Variants in FTO observed in about 807,000 individuals in gnomAD.
FTO encodes the protein alpha-ketoglutarate-dependent dioxygenase FTO.
A neutral mutation model predicts 63.9 loss-of-function variants in FTO; 47 were observed. The ratio of observed to expected loss-of-function variants is 0.74; its 90% CI spans 0.58 to 0.94. The LOEUF (loss-of-function observed/expected upper bound fraction) is 0.94. FTO is among the 40% of genes least tolerant of loss of function. The pLI, the probability that FTO is intolerant of heterozygous loss-of-function variation, is 0.00. For missense variants in FTO, 562 were observed against 618.1 expected (o/e 0.91, Z 0.96); for synonymous variants, 207 against 224.4 (o/e 0.92, Z 0.69).
chr16:53,806,777 A>G (rs1387840542), intron 1 of FTO, among the ~76,000 whole-genome samples: 2 of 152,220 alleles, frequency 1.3e-5, no homozygotes, highest in African/African-American at 4.8e-5. Flanking sequence ...CCTCATGCAT[A>G]TATTCTTCTG....
Position 54,112,344 on chromosome 16 carries a change from A to G in FTO, c.*429A>G, listed in dbSNP as rs1187092592. Reference sequence around the variant, plus strand: ...CTCACCACACCCATAGTGCTGTCCAATATGGTAGCCACTAGCTAGCTGTGG... The same window carrying G: ...CTCACCACACCCATAGTGCTGTCCAGTATGGTAGCCACTAGCTAGCTGTGG... On this transcript the variant is annotated 3_prime_UTR_variant, in exon 9 of 9. Coordinates refer to ENST00000471389, the MANE Select transcript of FTO (RefSeq NM_001080432.3). 1.9e-5 allele frequency: 4 copies of G among 212,908 alleles called. No homozygotes were observed. The highest frequency in any genetic ancestry group is 2.9e-5 in the Non-Finnish European group (3 of 105,032). 13.2% of individuals were successfully genotyped at this position (212,908 alleles called of 1,614,324 possible). A position where few individuals can be genotyped will look rare whatever the true frequency, so the allele number is the denominator to read the frequency against.
chr16:53,980,040 A>G (rs1415813339), intron 8 of FTO, among the ~76,000 whole-genome samples: 1 of 152,220 alleles, frequency 6.6e-6, no homozygotes, highest in African/African-American at 2.4e-5. Context: ...TCTTGCCATG[A>G]AGCGAACCAG....
intron 1 of FTO, among the ~76,000 whole-genome samples, chr16:53,758,438 A>C (rs1244644560): frequency 6.6e-6 from 1 of 152,232 alleles, no homozygotes; most frequent in Non-Finnish European, 1.5e-5. Flanking sequence ...CATTGTAACC[A>C]GGGAAGGATA....
chr16:53,749,525 G>A (rs2076732009), intron 1 of FTO, among the ~76,000 whole-genome samples: 3 of 150,790 alleles, frequency 2.0e-5, no homozygotes, highest in South Asian at 4.2e-4. Flanking sequence ...TGCAAGCTCC[G>A]CCTCCCGGGT....
chr16:53,786,464 A>G (rs759031579), intron 1 of FTO, among the ~76,000 whole-genome samples: 6 of 152,190 alleles, frequency 3.9e-5, no homozygotes, highest in Non-Finnish European at 7.3e-5. Context: ...AAAAATTCAA[A>G]ACTGGCTCTT....
chr16:53,751,186 T>C (rs1023413162), intron 1 of FTO, among the ~76,000 whole-genome samples: 2 of 150,710 alleles, frequency 1.3e-5, no homozygotes, highest in African/African-American at 4.9e-5. Context: ...AGGCGAGAGA[T>C]CACTTGAGCT....
chr16:54,006,515 G>T (rs969167356), intron 8 of FTO, among the ~76,000 whole-genome samples: 8 of 152,124 alleles, frequency 5.3e-5, no homozygotes, highest in Admixed American at 3.3e-4. Flanking sequence ...CCACAGTAAA[G>T]AAATAATGGG....
intron 6 of FTO, among the ~76,000 whole-genome samples, chr16:53,887,631 A>C (rs1188824438): frequency 1.3e-5 from 2 of 152,248 alleles, no homozygotes; most frequent in African/African-American, 4.8e-5. Flanking sequence ...CATGATGCTC[A>C]AAGGAAATGT....
At chr16:53,977,601 T>C (rs1414372379) in intron 8 of FTO, among the ~76,000 whole-genome samples, 2 of 152,170 alleles carry the variant, frequency 1.3e-5, no homozygotes, top group South Asian at 4.1e-4. Flanking sequence ...TATTTCTGTT[T>C]ATAGCTTTCC....
At chr16:53,895,873 C>A (rs1188005478) in intron 7 of FTO, among the ~76,000 whole-genome samples, 1 of 152,126 alleles carries the variant, frequency 6.6e-6, no homozygotes, top group Non-Finnish European at 1.5e-5. Context: ...ACAGCCTTGC[C>A]ATCTCTCTTA....
At chr16:53,933,907 G>A in intron 7 of FTO, 78 bp from the exon 8 acceptor site, 6 of 1,421,010 alleles carry the variant, frequency 4.2e-6, no homozygotes, top group Non-Finnish European at 5.8e-6. Flanking sequence ...TTGATTTACT[G>A]TCCTTATTTG....
chr16:53,717,977 C>A (rs2075936781), intron 1 of FTO, among the ~76,000 whole-genome samples: 1 of 152,082 alleles, frequency 6.6e-6, no homozygotes, highest in Non-Finnish European at 1.5e-5. Flanking sequence ...TGGCTCATCT[C>A]TTGCTTTGAG....
chr16:54,037,806 T>C (rs1392920842), intron 8 of FTO, among the ~76,000 whole-genome samples: 1 of 152,234 alleles, frequency 6.6e-6, no homozygotes, highest in Admixed American at 6.5e-5. Flanking sequence ...AATGCTTATA[T>C]ATAGTCATTA....
chr16:54,067,991 T>A (rs1202161611), intron 8 of FTO, among the ~76,000 whole-genome samples: 1 of 151,910 alleles, frequency 6.6e-6, no homozygotes, highest in Non-Finnish European at 1.5e-5. Context: ...TTTTTCTTCC[T>A]CCTCCAGATA....
At chr16:53,816,255 G>T (rs1015156160) in intron 2 of FTO, among the ~76,000 whole-genome samples, 3 of 152,234 alleles carry the variant, frequency 2.0e-5, no homozygotes, top group African/African-American at 7.2e-5. Context: ...TTACACCGTG[G>T]CCAAAACTGC....
intron 8 of FTO, among the ~76,000 whole-genome samples, chr16:54,051,239 TG>T (rs2085305704): frequency 6.6e-6 from 1 of 152,154 alleles, no homozygotes; most frequent in African/African-American, 2.4e-5. Context: ...TTCAAGAGCC[TG>T]GGAGATTAAC....
At chr16:53,761,879 G>C (rs1005144885) in intron 1 of FTO, among the ~76,000 whole-genome samples, 1 of 152,086 alleles carries the variant, frequency 6.6e-6, no homozygotes, top group Non-Finnish European at 1.5e-5. Flanking sequence ...ACTCAAATTT[G>C]TATTACTTTA....
chr16:53,961,090 C>T (rs1011355525), intron 8 of FTO, among the ~76,000 whole-genome samples: 3 of 152,120 alleles, frequency 2.0e-5, no homozygotes, highest in Non-Finnish European at 4.4e-5. Context: ...TCCAGTTCAC[C>T]TGTAGCCAAC....
intron 8 of FTO, among the ~76,000 whole-genome samples, chr16:54,036,984 G>T (rs1401156561): frequency 1.3e-5 from 2 of 152,170 alleles, no homozygotes; most frequent in African/African-American, 4.8e-5. Flanking sequence ...ATCTCCCCGT[G>T]TGTCCACTTG....
Sources: allele counts gnomAD v4.1 joint callset (sites outside exome capture counted in the v4.1 genomes callset), GRCh38; gene constraint gnomAD v4.1.1; transcripts MANE v1.5; gene names NCBI Gene and HGNC (gene_info 2026-07-23, HGNC 2026-07-21).